The following ABCD2 variants were observed in gnomAD, a reference collection of about 807,000 sequenced individuals.
ABCD2 encodes ATP-binding cassette sub-family D member 2.
ABCD2 carries 36 observed loss-of-function variants against 70.9 expected under a neutral mutation model. The observed-to-expected ratio is 0.51, with a 90% confidence interval of 0.39 to 0.67. ABCD2 has a LOEUF of 0.67. Among genes scored for constraint, ABCD2 ranks in the 30% least tolerant of loss-of-function variants. The pLI, the probability that ABCD2 is intolerant of heterozygous loss-of-function variation, is 0.00. For missense variants in ABCD2, 729 were observed against 890.2 expected (o/e 0.82, Z 2.30); for synonymous variants, 304 against 306.9 (o/e 0.99, Z 0.10).
chr12:39,566,993 A>G (rs997337626), intron 9 of ABCD2, among the ~76,000 whole-genome samples: 9 of 152,142 alleles, frequency 5.9e-5, no homozygotes, highest in Non-Finnish European at 7.3e-5. Flanking sequence ...GTGGTCTGAG[A>G]GACAGTTTGT....
At chr12:39,543,007 A>G in the ABCD2 span, among the ~76,000 whole-genome samples, 1 of 152,158 alleles carries the variant, frequency 6.6e-6, no homozygotes, top group African/African-American at 2.4e-5. Context: ...TGAATATTTT[A>G]CCTCGAAGAG....
chr12:39,545,476 G>A (rs1050301319), downstream of ABCD2, among the ~76,000 whole-genome samples: 1 of 152,138 alleles, frequency 6.6e-6, no homozygotes, highest in Non-Finnish European at 1.5e-5. Flanking sequence ...GAGGCATGAA[G>A]AGGTTATATA....
chr12:39,580,022 G>C (rs1264688396), intron 7 of ABCD2, among the ~76,000 whole-genome samples: 1 of 152,156 alleles, frequency 6.6e-6, no homozygotes, highest in Admixed American at 6.5e-5. Flanking sequence ...TGGCTCTCCT[G>C]TGCCTAGCAC....
intron 7 of ABCD2, among the ~76,000 whole-genome samples, chr12:39,581,490 G>A (rs1941594939): frequency 2.0e-5 from 3 of 151,980 alleles, no homozygotes; most frequent in African/African-American, 7.3e-5. Flanking sequence ...TTTTATGTTA[G>A]GAAAAATAAT....
At chr12:39,546,360 T>C (rs867573324), downstream of ABCD2, among the ~76,000 whole-genome samples, 1 of 152,270 alleles carries the variant, frequency 6.6e-6, no homozygotes, top group Middle Eastern at 3.4e-3. Flanking sequence ...AATAAATACT[T>C]TTCAAGTGTT....
intron 6 of ABCD2, among the ~76,000 whole-genome samples, chr12:39,587,953 T>C (rs1436778532): frequency 6.6e-6 from 1 of 152,214 alleles, no homozygotes; most frequent in Non-Finnish European, 1.5e-5. Context: ...TTTTAAACTT[T>C]ACTTGCAAGT....
At chr12:39,587,821 G>T (rs1435794518) in intron 6 of ABCD2, among the ~76,000 whole-genome samples, 1 of 152,194 alleles carries the variant, frequency 6.6e-6, no homozygotes, top group African/African-American at 2.4e-5. Context: ...TAACTGAACA[G>T]TATGTCCAAA....
intron 9 of ABCD2, among the ~76,000 whole-genome samples, chr12:39,569,941 C>G (rs76797457): frequency 1.3e-5 from 2 of 152,258 alleles, no homozygotes; most frequent in African/African-American, 4.8e-5. Context: ...TCTACACTGA[C>G]AGCAAATTAT....
intron 8 of ABCD2, 68 bp downstream of exon 8, chr12:39,579,467 T>C: frequency 9.1e-7 from 1 of 1,101,882 alleles, no homozygotes; most frequent in Non-Finnish European, 1.4e-6. Context: ...CAAACTTTTG[T>C]TGTTCCTATT....
intron 6 of ABCD2, among the ~76,000 whole-genome samples, chr12:39,598,539 T>C (rs1403730756): frequency 6.6e-6 from 1 of 152,110 alleles, no homozygotes; most frequent in South Asian, 2.1e-4. Context: ...TAGCTGGGAT[T>C]ACAGGCACGC....
intron 9 of ABCD2, among the ~76,000 whole-genome samples, chr12:39,567,760 G>A (rs545975327): frequency 1.3e-5 from 2 of 152,136 alleles, no homozygotes; most frequent in Non-Finnish European, 2.9e-5. Flanking sequence ...GCAGTGGCTG[G>A]TACCGGTTGT....
intron 8 of ABCD2, among the ~76,000 whole-genome samples, chr12:39,576,655 A>T (rs1941521829): frequency 6.6e-6 from 1 of 152,232 alleles, no homozygotes; most frequent in Non-Finnish European, 1.5e-5. Context: ...TCCCAGCTAA[A>T]CACAAAAATA....
At chr12:39,568,153 G>A (rs761874327) in intron 9 of ABCD2, among the ~76,000 whole-genome samples, 27 of 152,060 alleles carry the variant, frequency 1.8e-4, no homozygotes, top group East Asian at 5.8e-4. Context: ...TCTGTATTTC[G>A]TGAATTTGAA....
chr12:39,549,788 C>A (rs922275815), downstream of ABCD2, among the ~76,000 whole-genome samples: 1 of 151,776 alleles, frequency 6.6e-6, no homozygotes, highest in Non-Finnish European at 1.5e-5. Flanking sequence ...TCAAATATTG[C>A]TCATGTCAAA....
intron 9 of ABCD2, among the ~76,000 whole-genome samples, chr12:39,566,625 T>A (rs1198293496): frequency 1.3e-5 from 2 of 152,208 alleles, no homozygotes; most frequent in African/African-American, 4.8e-5. Context: ...TGTGTCTCTA[T>A]TTCCTTCAGT....
rs1359731790 is a variant in ABCD2, at chr12:39,554,221, G to A, written c.2004-90C>T. On this transcript the variant is annotated intron_variant, in intron 9 of 9. Transcript: ENST00000308666. ...TTATCATTCAAATTGATACCCAAAG[G>A]CAAATTTTAAGTAGGTGCTATTTTA... 1.0e-4 allele frequency: 130 copies of A among 1,278,916 alleles called. 1 individual carries two copies. In the East Asian group the frequency reaches 2.7e-3, roughly 26 times the overall value. 79.2% of individuals were successfully genotyped at this position (1,278,916 alleles called of 1,614,324 possible).
chr12:39,610,667 A>G (rs1591998110), intron 2 of ABCD2, among the ~76,000 whole-genome samples: 1 of 152,350 alleles, frequency 6.6e-6, no homozygotes, highest in Admixed American at 6.5e-5. Context: ...ACATTTGCAC[A>G]GATGGACTGG....
intron 9 of ABCD2, among the ~76,000 whole-genome samples, chr12:39,568,271 T>G (rs1158944435): frequency 6.6e-6 from 1 of 152,170 alleles, no homozygotes; most frequent in Non-Finnish European, 1.5e-5. Context: ...ACCAATCAGA[T>G]GTAGATTTGG....
At chr12:39,575,178 G>A (rs1339154367) in intron 8 of ABCD2, among the ~76,000 whole-genome samples, 2 of 152,290 alleles carry the variant, frequency 1.3e-5, no homozygotes, top group East Asian at 1.9e-4. Context: ...CCTCTTTCCA[G>A]TGATTAACAT....
Sources: gnomAD v4.1 joint callset for allele counts (sites outside exome capture counted in the v4.1 genomes callset) on GRCh38, gnomAD v4.1.1 for gene constraint, MANE v1.5 for transcripts, NCBI Gene and HGNC (gene_info 2026-07-23, HGNC 2026-07-21) for gene names.